Variants in TDRD9 observed in about 807,000 individuals in gnomAD.
TDRD9 encodes tudor domain containing 9.
In TDRD9, 124 loss-of-function variants were observed where a neutral mutation model predicts 172.6. The ratio of observed to expected loss-of-function variants is 0.72; its 90% CI spans 0.62 to 0.83. The LOEUF is 0.83. Among genes scored for constraint, TDRD9 ranks in the 40% least tolerant of loss-of-function variants. The pLI is 0.00. For missense variants in TDRD9, 1,479 were observed against 1,714.1 expected (o/e 0.86, Z 2.42); for synonymous variants, 619 against 617.1 (o/e 1.00, Z -0.05).
At chr14:103,987,129 C>G (rs199743940) in intron 8 of TDRD9, among the ~76,000 whole-genome samples, 1 of 73,082 alleles carries the variant, frequency 1.4e-5, no homozygotes, top group Non-Finnish European at 3.1e-5. Flanking sequence ...TATATACACA[C>G]ACACACACAC....
In TDRD9 at chr14:103,986,297, T is replaced by C; in HGVS notation, c.1092T>C (p.Asp364=). The C allele has an allele frequency of 6.2e-7, 1 of 1,613,116 alleles. No homozygotes were observed. The highest frequency in any genetic ancestry group is 8.5e-7 in the Non-Finnish European group (1 of 1,179,274). ...CTGTCTCTCTCATTCAGATGTTTGA[T>C]GACTTGGATATGAAGGAGAGTGGGT... The part of the protein sequence containing the change: ...EVAVSLIQMF[D]DLDMKESGNK... Residue 364 remains aspartate (D), a synonymous_variant, in exon 8 of 36, where the codon GAT becomes GAC. Transcript: ENST00000409874.
intron 13 of TDRD9, among the ~76,000 whole-genome samples, chr14:104,001,398 G>T (rs1444711288): frequency 1.3e-5 from 2 of 152,200 alleles, no homozygotes; most frequent in African/African-American, 4.8e-5. Context: ...CAAGCTGCAC[G>T]TAGCAGTGGC....
Position 103,998,705 on chromosome 14 carries a change from A to G in TDRD9, c.1460A>G (p.Lys487Arg), listed in dbSNP as rs1255538586. The part of the protein sequence containing the change: ...YQSLRLSWAS[K>R]TSCNQRKGRA... ...AGTCTGCGATTGAGTTGGGCTTCTA[A>G]AACCAGCTGTAATCAGAGAAAAGGT... Residue 487 changes from lysine to arginine, a missense_variant, in exon 13 of 36, where the codon AAA becomes AGA. Physicochemically the swap from Lys to Arg is conservative, Grantham distance 26 (BLOSUM62 2). This residue lies in a region of TDRD9 where 1,413 missense variants were observed against 1,649.1 expected (regional missense o/e 0.86). Transcript: ENST00000409874. 6 of 1,592,490 alleles carry G rather than the reference A, an allele frequency of 3.8e-6. No individual in the cohort carries two copies. Among genetic ancestry groups the G allele is most frequent in the Middle Eastern group, 1.7e-4 (1 of 6,022 alleles).
At chr14:104,006,977 C>T (rs1282294110) in intron 18 of TDRD9, 132 bp downstream of exon 18, 1 of 984,736 alleles carries the variant, frequency 1.0e-6, no homozygotes, top group East Asian at 2.6e-5. Flanking sequence ...TATTGGTGTC[C>T]AGTGTTAAAT....
rs760104711 is a variant in TDRD9 at position 104,018,183 on chromosome 14, A to T, written c.2423A>T (p.Asp808Val). The T allele has an allele frequency of 6.3e-7, 1 of 1,586,230 alleles. No individual in the cohort carries two copies. The highest frequency in any genetic ancestry group is 8.6e-7 in the Non-Finnish European group (1 of 1,158,128). Residue 808 changes from aspartate to valine, a missense_variant, in exon 23 of 36, where the codon GAT becomes GTT. Physicochemically the swap from Asp to Val is radical, Grantham distance 152. This residue lies in a region of TDRD9 where 1,413 missense variants were observed against 1,649.1 expected (regional missense o/e 0.86). Transcript: ENST00000409874. Reference sequence around the variant, plus strand: ...GGTCAAGTCAAATCCATTGTATTTGATGGTGCAAAGTAAGTATATTTTTGT... The same window carrying T: ...GGTCAAGTCAAATCCATTGTATTTGTTGGTGCAAAGTAAGTATATTTTTGT... ...QCGQVKSIVF[D>V]GAKAFVEFSR...
At chr14:104,022,463 C>A in intron 24 of TDRD9, 133 bp downstream of exon 24, 1 of 919,816 alleles carries the variant, frequency 1.1e-6, no homozygotes, top group Non-Finnish European at 1.6e-6. Context: ...TGTGGGGGCT[C>A]ACGCCACTCA....
chr14:104,033,184 T>C (rs114017590), intron 30 of TDRD9, among the ~76,000 whole-genome samples: 2,506 of 152,250 alleles, frequency 0.016, 72 homozygotes, highest in African/African-American at 0.057. Flanking sequence ...AGTCTTGTCT[T>C]CTCAAAATGT....
At chr14:103,986,031 C>T (rs1167313763) in intron 7 of TDRD9, among the ~76,000 whole-genome samples, 186 bp from the exon 8 acceptor site, 1 of 152,192 alleles carries the variant, frequency 6.6e-6, no homozygotes, top group Non-Finnish European at 1.5e-5. Context: ...TTTATGTGTC[C>T]ACTGTCCTGA....
chr14:103,943,061 A>G (rs1332267512), intron 1 of TDRD9, among the ~76,000 whole-genome samples: 4 of 151,910 alleles, frequency 2.6e-5, no homozygotes, highest in Non-Finnish European at 5.9e-5. Context: ...GGAGCTGAGG[A>G]TGAAAAACTT....
intron 14 of TDRD9, 172 bp from the exon 15 acceptor site, chr14:104,005,102 T>G (rs2034392632): frequency 1.8e-6 from 1 of 541,692 alleles, no homozygotes; most frequent in Non-Finnish European, 3.2e-6. Context: ...TCTCTCCTGT[T>G]CTTTCTTCTT....
intron 15 of TDRD9, among the ~76,000 whole-genome samples, chr14:104,005,877 A>G (rs1387468174): frequency 2.0e-5 from 3 of 152,174 alleles, no homozygotes; most frequent in Non-Finnish European, 4.4e-5. Context: ...CAGTGATGCA[A>G]TCATGGCTTA....
At chr14:104,040,083 C>A in intron 32 of TDRD9, 113 bp from the exon 33 acceptor site, 1 of 933,846 alleles carries the variant, frequency 1.1e-6, no homozygotes, top group Non-Finnish European at 1.4e-6. Context: ...AAATTAATTG[C>A]TGTACTAGGG....
chr14:103,932,265 C>T (rs1036267537), intron 1 of TDRD9, among the ~76,000 whole-genome samples: 1 of 152,196 alleles, frequency 6.6e-6, no homozygotes, highest in African/African-American at 2.4e-5. Context: ...GACCTGTGAA[C>T]CCCGCACGGT....
intron 11 of TDRD9, 75 bp from the exon 12 acceptor site, chr14:103,995,675 G>C: frequency 1.5e-6 from 2 of 1,325,178 alleles, no homozygotes; most frequent in Non-Finnish European, 2.0e-6. Context: ...AATAATTTTT[G>C]CATTTTTGTA....
intron 24 of TDRD9, among the ~76,000 whole-genome samples, chr14:104,022,760 AT>A (rs1281706318): frequency 2.6e-5 from 4 of 151,642 alleles, no homozygotes; most frequent in East Asian, 1.9e-4. Flanking sequence ...AAATAAATAA[AT>A]AAAAAAGCAC....
At chr14:104,024,789 CAG>C (rs2035065695) in intron 25 of TDRD9, 109 bp downstream of exon 25, 1 of 416,650 alleles carries the variant, frequency 2.4e-6, no homozygotes, top group South Asian at 7.4e-5. Context: ...CACACACACA[CAG>C]AACTTGTGCA....
At chr14:103,992,924 CAA>C (rs35212615) in intron 9 of TDRD9, among the ~76,000 whole-genome samples, 19 of 58,862 alleles carry the variant, frequency 3.2e-4, no homozygotes, top group Admixed American at 6.7e-4. Context: ...GACTCCATCT[CAA>C]AAAAAAAAAA....
chr14:104,032,052 A>C lies in TDRD9; in HGVS notation c.3474A>C (p.Leu1158=). Residue 1158 remains leucine, a synonymous_variant, in exon 30 of 36, where the codon CTA becomes CTC. Coordinates refer to ENST00000409874, the MANE Select transcript of TDRD9 (RefSeq NM_153046.3). ...ELHGPFNPYE[L]KCHSLTRISK... ...ACGGGCCTTTTAACCCTTATGAACT[A>C]AAGTGCCATAGTTTGACCAGAATAT... 6.5e-7 allele frequency: 1 copy of C among 1,549,124 alleles called. No homozygotes were observed. Among genetic ancestry groups the C allele is most frequent in the Non-Finnish European group, 8.7e-7 (1 of 1,146,348 alleles).
intron 33 of TDRD9, among the ~76,000 whole-genome samples, chr14:104,041,652 T>C (rs2035615018): frequency 6.6e-6 from 1 of 152,212 alleles, no homozygotes; most frequent in Non-Finnish European, 1.5e-5. Context: ...ACCTACTTAC[T>C]GGAATGGCTG....
Sources: allele counts gnomAD v4.1 joint callset (sites outside exome capture counted in the v4.1 genomes callset), GRCh38; gene constraint gnomAD v4.1.1; regional missense constraint gnomAD v4.1.1; transcripts MANE v1.5; gene names NCBI Gene and HGNC (gene_info 2026-07-23, HGNC 2026-07-21).